The following IGDCC3 variants were observed in gnomAD, a reference collection of about 807,000 sequenced individuals.
IGDCC3 encodes immunoglobulin superfamily DCC subclass member 3, also known as putative neuronal cell adhesion molecule.
Under a neutral mutation model 72.0 loss-of-function variants are expected in IGDCC3, and 47 were observed. The ratio of observed to expected loss-of-function variants is 0.65; its 90% CI spans 0.52 to 0.83. IGDCC3 has a LOEUF of 0.83. IGDCC3 is among the 40% of genes least tolerant of loss of function. The probability of loss-of-function intolerance (pLI) is 0.00; values close to 1 mark genes in which losing one functional copy is unlikely to be tolerated. For synonymous variants in IGDCC3, 477 were observed against 472.8 expected (o/e 1.01, Z -0.11); for missense variants, 1,038 against 1,091.3 (o/e 0.95, Z 0.69).
At chr15:65,370,570 G>A (rs1430134738) in intron 2 of IGDCC3, among the ~76,000 whole-genome samples, 1 of 112,952 alleles carries the variant, frequency 8.9e-6, no homozygotes, top group African/African-American at 3.5e-5. Flanking sequence ...ATATATATAT[G>A]TATGTATATA....
At chr15:65,348,864 T>C (rs570573996) in intron 2 of IGDCC3, among the ~76,000 whole-genome samples, 3 of 152,334 alleles carry the variant, frequency 2.0e-5, no homozygotes, top group East Asian at 3.9e-4. Flanking sequence ...GGATTAGGCA[T>C]GTACAGGATC....
intron 2 of IGDCC3, among the ~76,000 whole-genome samples, chr15:65,374,799 A>C (rs9920442): frequency 0.12 from 18,253 of 152,226 alleles, 1,264 homozygotes; most frequent in African/African-American, 0.18. Flanking sequence ...CAAAGTATGA[A>C]AGGCATATGG....
At position 65,328,211 on chromosome 15, in the gene IGDCC3, G is replaced by A. The variant is rs1280231354; in HGVS notation, c.*698C>T. ...TGACAACACAGCCCACAGAGCCAGC[G>A]AGCCTTGAGGTAGACATTTTCTTTC... is the stretch of plus-strand genomic sequence containing the variant. On this transcript the variant is annotated 3_prime_UTR_variant, in exon 14 of 14. Coordinates refer to ENST00000327987, the MANE Select transcript of IGDCC3 (RefSeq NM_004884.4). 2 of 152,378 alleles carry A rather than the reference G, an allele frequency of 1.3e-5. No individual in the cohort carries two copies. Among genetic ancestry groups the A allele is most frequent in the Non-Finnish European group, 2.9e-5 (2 of 68,016 alleles). 9.4% of individuals were successfully genotyped at this position (152,378 alleles called of 1,614,324 possible).
At chr15:65,356,092 T>A in intron 2 of IGDCC3, 1 of 228,578 alleles carries the variant, frequency 4.4e-6, no homozygotes, top group Non-Finnish European at 9.1e-6. Flanking sequence ...AGCGCGCAGT[T>A]GTCCTTAATT....
chr15:65,342,694 TC>T (rs1190740215), intron 2 of IGDCC3, among the ~76,000 whole-genome samples: 4 of 151,734 alleles, frequency 2.6e-5, no homozygotes, highest in Non-Finnish European at 5.9e-5. Flanking sequence ...TTGCCTGCAC[TC>T]CCCCCTCTTG....
At chr15:65,365,528 A>T (rs1241631205) in intron 2 of IGDCC3, among the ~76,000 whole-genome samples, 2 of 152,082 alleles carry the variant, frequency 1.3e-5, no homozygotes, top group Admixed American at 1.3e-4. Flanking sequence ...CCAGGCTCAG[A>T]GACAGGCCCC....
intron 3 of IGDCC3, 138 bp from the exon 4 acceptor site, chr15:65,335,559 T>C: frequency 1.0e-6 from 1 of 980,610 alleles, no homozygotes; most frequent in Non-Finnish European, 1.6e-6. Context: ...ACTGGGACTT[T>C]CAAAGGTGGA....
intron 2 of IGDCC3, among the ~76,000 whole-genome samples, chr15:65,368,286 GTGGGGAGGGGACAGAGGGTTAAGGGGGGC>G (rs910070629): frequency 6.6e-6 from 1 of 151,736 alleles, no homozygotes; most frequent in African/African-American, 2.4e-5. Context: ...CTCCCTGGGG[GTGGGGAGGGGACAGAGGGTTAAGGGGGGC>G]TGGGGGCCTG....
In IGDCC3 at chr15:65,375,191, C is replaced by A. The variant is rs374038220; in HGVS notation, c.315G>T (p.Pro105=). Residue 105 remains proline (P), a synonymous_variant, in exon 2 of 14, where the codon CCG becomes CCT. Coordinates refer to ENST00000327987, the MANE Select transcript of IGDCC3 (RefSeq NM_004884.4). Reference sequence around the variant, plus strand: ...CACCTTCATCCGAAGGGCTGCCTCCCGGCTCCAGCCTGAAGTGACGGATCA... The same window carrying A: ...CACCTTCATCCGAAGGGCTGCCTCCAGGCTCCAGCCTGAAGTGACGGATCA... ...SLMIRHFRLE[P]GGSPSDEGDY... is the part of the protein sequence containing the mutation. 6.2e-7 allele frequency: 1 copy of A among 1,614,238 alleles called. No individual in the cohort carries two copies. The highest frequency in any genetic ancestry group is 8.5e-7 in the Non-Finnish European group (1 of 1,180,054).
At chr15:65,343,447 C>T (rs779215735) in intron 2 of IGDCC3, among the ~76,000 whole-genome samples, 17 of 152,054 alleles carry the variant, frequency 1.1e-4, no homozygotes, top group African/African-American at 1.9e-4. Flanking sequence ...AGGGTATAAA[C>T]CAGAGCCTCT....
At chr15:65,335,120 A>C (rs2141036134) in intron 4 of IGDCC3, among the ~76,000 whole-genome samples, 171 bp downstream of exon 4, 1 of 152,210 alleles carries the variant, frequency 6.6e-6, no homozygotes, top group African/African-American at 2.4e-5. Context: ...TGAGCCAGAG[A>C]TCCAGCCTTA....
chr15:65,360,648 G>C (rs551033715), intron 2 of IGDCC3, among the ~76,000 whole-genome samples: 177 of 152,334 alleles, frequency 1.2e-3, no homozygotes, highest in African/African-American at 4.1e-3. Context: ...AAAGATCTGA[G>C]AAGTGTTTGT....
intron 5 of IGDCC3, among the ~76,000 whole-genome samples, chr15:65,333,767 A>G (rs2091000288): frequency 6.6e-6 from 1 of 152,196 alleles, no homozygotes; most frequent in South Asian, 2.1e-4. Context: ...TATCCATTCT[A>G]TGCCTGGATG....
At chr15:65,350,320 G>A (rs549836335) in intron 2 of IGDCC3, among the ~76,000 whole-genome samples, 6 of 151,458 alleles carry the variant, frequency 4.0e-5, no homozygotes, top group East Asian at 2.0e-4. Context: ...TAGTAGAGAC[G>A]GGGTTTCACC....
intron 2 of IGDCC3, among the ~76,000 whole-genome samples, chr15:65,354,599 CAG>C (rs1363689256): frequency 6.6e-6 from 1 of 152,176 alleles, no homozygotes; most frequent in Non-Finnish European, 1.5e-5. Context: ...GGGCAGGGAA[CAG>C]ACACATTTAT....
Position 65,331,044 on chromosome 15 carries a change from C to T in IGDCC3, c.1561+6G>A. The T allele has an allele frequency of 6.2e-7, 1 of 1,612,972 alleles. No homozygotes were observed. Among genetic ancestry groups the T allele is most frequent in the Non-Finnish European group, 8.5e-7 (1 of 1,179,442 alleles). ...TGTGGTTTTGTGCTCCACACCCAGG[C>T]CTCACCTTCACCCAGGGTGCTAGCT... is the stretch of plus-strand genomic sequence containing the variant. On this transcript the variant is annotated splice_donor_region_variant and intron_variant, in intron 9 of 13. Transcript: ENST00000327987.
chr15:65,327,647 G>T lies in IGDCC3; in HGVS notation c.*1262C>A, dbSNP rs951733939. On this transcript the variant is annotated 3_prime_UTR_variant, in exon 14 of 14. Coordinates refer to ENST00000327987, the MANE Select transcript of IGDCC3 (RefSeq NM_004884.4). ...TCAAAGAACAACACAACAGAAAAGA[G>T]TAACAAAAAGTCACAAGAACATAAC... is the stretch of plus-strand genomic sequence containing the variant. 2.6e-5 allele frequency: 4 copies of T among 152,562 alleles called. No individual in the cohort carries two copies. Among genetic ancestry groups the T allele is most frequent in the African/African-American group, 9.7e-5 (4 of 41,422 alleles). 9.5% of individuals were successfully genotyped at this position (152,562 alleles called of 1,614,324 possible). A position where few individuals can be genotyped will look rare whatever the true frequency, so the allele number is the denominator to read the frequency against.
intron 2 of IGDCC3, among the ~76,000 whole-genome samples, chr15:65,337,928 C>T (rs2091045625): frequency 6.6e-6 from 1 of 152,174 alleles, no homozygotes; most frequent in African/African-American, 2.4e-5. Context: ...GGAACAAATC[C>T]TTTTGTGCTT....
intron 2 of IGDCC3, among the ~76,000 whole-genome samples, chr15:65,361,508 C>G (rs1286562656): frequency 6.6e-6 from 1 of 151,828 alleles, no homozygotes; most frequent in Non-Finnish European, 1.5e-5. Flanking sequence ...ACCCCTCAAG[C>G]CCCCCAACTC....
Sources: allele counts gnomAD v4.1 joint callset (sites outside exome capture counted in the v4.1 genomes callset), GRCh38; gene constraint gnomAD v4.1.1; transcripts MANE v1.5; gene names NCBI Gene and HGNC (gene_info 2026-07-23, HGNC 2026-07-21).